Variants in ARHGAP17 observed in about 807,000 individuals in gnomAD.
The protein encoded by ARHGAP17 is Rho GTPase activating protein 17, also known as rho GTPase-activating protein 17.
ARHGAP17 carries 57 observed loss-of-function variants against 99.5 expected under a neutral mutation model. The observed-to-expected ratio is 0.57, with a 90% CI of 0.46 to 0.71. ARHGAP17 has a LOEUF of 0.71. Ranked by LOEUF, ARHGAP17 falls within the 30% of genes least tolerant of loss-of-function variation. ARHGAP17 has a pLI of 0.00. For synonymous variants in ARHGAP17, 417 were observed against 429.6 expected, an observed-to-expected ratio of 0.97 and a Z score of 0.36; for missense variants, 1,000 against 1,122.4, an observed-to-expected ratio of 0.89 and a Z score of 1.56.
chr16:24,938,552 C>A (rs1404099231), intron 17 of ARHGAP17, among the ~76,000 whole-genome samples: 2 of 151,948 alleles, frequency 1.3e-5, no homozygotes, highest in East Asian at 3.9e-4. Context: ...TCACTTGAGG[C>A]CAGGAGTTCG....
At position 24,955,856 on chromosome 16, in the gene ARHGAP17, T is replaced by C. The variant is rs984973157; in HGVS notation, c.725-1126A>G. On this transcript the variant is annotated intron_variant, in intron 9 of 19. Transcript: ENST00000289968. This position sits in a 1 kb window ranked among gnomAD's most constrained non-coding sequence, Gnocchi z 4.0. ...CCGAGAGCTTGTGGAAAGGTAAAAA[T>C]GGATGGAAAGAGCAAGAGGTAAAGA... is the stretch of plus-strand genomic sequence containing the variant. 1 of 151,070 alleles carries C rather than the reference T, an allele frequency of 6.6e-6. No individual in the cohort carries two copies. 9.4% of individuals were successfully genotyped at this position (151,070 alleles called of 1,614,324 possible).
At position 24,964,324 on chromosome 16, in the gene ARHGAP17, G is replaced by A. The variant is rs760291422; in HGVS notation, c.462-16C>T. The A allele has an allele frequency of 1.9e-6, 3 of 1,562,760 alleles. No homozygotes were observed. Among genetic ancestry groups the A allele is most frequent in the African/African-American group, 2.7e-5 (2 of 73,706 alleles). The stretch of plus-strand genomic sequence containing the variant: ...TTGGTTCCACCTGCAAAACAAAGGG[G>A]TCACCAGCATCTGAGAACCAGCTGT... On this transcript the variant is annotated splice_polypyrimidine_tract_variant and intron_variant, in intron 6 of 19. Transcript: ENST00000289968.
chr16:24,995,861 C>T (rs1400122541), intron 1 of ARHGAP17, among the ~76,000 whole-genome samples: 2 of 152,232 alleles, frequency 1.3e-5, no homozygotes, highest in East Asian at 1.9e-4. Flanking sequence ...AATAAAACTG[C>T]ACTCACTTTA....
intron 6 of ARHGAP17, among the ~76,000 whole-genome samples, chr16:24,966,872 C>G (rs914485415): frequency 2.6e-5 from 4 of 152,144 alleles, no homozygotes; most frequent in African/African-American, 9.7e-5. Flanking sequence ...ATATAGATAA[C>G]AAATGCAGGT....
At chr16:24,938,715 T>C (rs554075846) in intron 17 of ARHGAP17, among the ~76,000 whole-genome samples, 109 of 145,236 alleles carry the variant, frequency 7.5e-4, no homozygotes, top group African/African-American at 2.7e-3. Flanking sequence ...GAGGGTGCAG[T>C]GAGCTACGAT....
At chr16:24,931,445 G>C (rs761720777) in intron 18 of ARHGAP17, 41 bp from the exon 19 acceptor site, 2 of 1,489,032 alleles carry the variant, frequency 1.3e-6, no homozygotes. Flanking sequence ...TAGGAACAGT[G>C]AGGCAGCAAC....
At chr16:24,982,979 TA>T (rs2052724499) in intron 1 of ARHGAP17, among the ~76,000 whole-genome samples, 2 of 18,472 alleles carry the variant, frequency 1.1e-4, no homozygotes, top group African/African-American at 4.6e-4. Flanking sequence ...TATATATATA[TA>T]TATATATATA....
chr16:24,987,530 AG>A (rs1182179435), intron 1 of ARHGAP17, among the ~76,000 whole-genome samples: 5 of 152,092 alleles, frequency 3.3e-5, no homozygotes. Flanking sequence ...TGGCTTTTCA[AG>A]ACTTTTGCCA....
intron 1 of ARHGAP17, among the ~76,000 whole-genome samples, chr16:25,003,060 A>AG (rs1491412332): frequency 1.3e-5 from 2 of 149,718 alleles, no homozygotes; most frequent in African/African-American, 2.5e-5. Context: ...AAAAAAAAAA[A>AG]GAGGCTCTAA....
intron 1 of ARHGAP17, among the ~76,000 whole-genome samples, chr16:25,003,527 A>C (rs1234118215): frequency 6.6e-6 from 1 of 152,096 alleles, no homozygotes; most frequent in Non-Finnish European, 1.5e-5. Flanking sequence ...AAGCTTTTTA[A>C]AACTTGGAAG....
chr16:24,968,263 G>A (rs1355577461), intron 6 of ARHGAP17, 88 bp downstream of exon 6: 1 of 1,466,994 alleles, frequency 6.8e-7, no homozygotes, highest in Non-Finnish European at 9.5e-7. Context: ...ACGAATTGGT[G>A]AGCACTTCCA....
In ARHGAP17 at chr16:25,007,189, C is replaced by T. The variant is rs567595882; in HGVS notation, c.53+8020G>A. Among the ~76,000 whole-genome samples the T allele has an allele frequency of 3.3e-5, 5 of 152,216 alleles. No homozygotes were observed. In the South Asian group the frequency reaches 1.0e-3, roughly 32 times the overall value. On this transcript the variant is annotated intron_variant, in intron 1 of 19. Coordinates refer to ENST00000289968, the MANE Select transcript of ARHGAP17 (RefSeq NM_001006634.3). Reference sequence around the variant, plus strand: ...TTTCAAATTTACAGATGAAAATTTCCTAATGGCTAGAAAATAAGGCAATGC... The same window carrying T: ...TTTCAAATTTACAGATGAAAATTTCTTAATGGCTAGAAAATAAGGCAATGC...
At chr16:24,921,787 G>A (rs1229995330) in intron 19 of ARHGAP17, among the ~76,000 whole-genome samples, 1 of 152,196 alleles carries the variant, frequency 6.6e-6, no homozygotes, top group East Asian at 1.9e-4. Context: ...TGTCATTTCA[G>A]ACAATTCAGG....
rs182328382 is a variant in ARHGAP17, at chr16:24,991,345, G to C, written c.54-12340C>G. Among the ~76,000 whole-genome samples, 420 of 152,310 alleles carry C rather than the reference G, an allele frequency of 2.8e-3. 2 individuals carry two copies. Among genetic ancestry groups the C allele is most frequent in the African/African-American group, 9.7e-3 (402 of 41,568 alleles). ...AGTGAGGGTTCATGGAGTGTTAGCTGTTCTGAGAATTACAACAAATAATAA... is the reference window on the plus strand; with the variant it reads ...AGTGAGGGTTCATGGAGTGTTAGCTCTTCTGAGAATTACAACAAATAATAA... On this transcript the variant is annotated intron_variant, in intron 1 of 19. Coordinates refer to ENST00000289968, the MANE Select transcript of ARHGAP17 (RefSeq NM_001006634.3).
chr16:24,968,630 G>C (rs1446631566), intron 5 of ARHGAP17, 31 bp downstream of exon 5: 9 of 1,608,616 alleles, frequency 5.6e-6, no homozygotes, highest in East Asian at 2.2e-5. Context: ...ACCACTCTCG[G>C]CTCTTCCGTG....
chr16:24,923,390 G>A lies in ARHGAP17; in HGVS notation c.2516-3130C>T, dbSNP rs186894254. ...TCTAAATCTTTCTGGCTATGAACTC[G>A]TATATTAACTGCACTCCAAGAAGGG... On this transcript the variant is annotated intron_variant, in intron 19 of 19. Coordinates refer to ENST00000289968, the MANE Select transcript of ARHGAP17 (RefSeq NM_001006634.3). Among the ~76,000 whole-genome samples, 171 of 152,278 alleles carry A rather than the reference G, an allele frequency of 1.1e-3. 1 individual carries two copies. Among genetic ancestry groups the A allele is most frequent in the African/African-American group, 3.8e-3 (159 of 41,548 alleles).
intron 17 of ARHGAP17, among the ~76,000 whole-genome samples, chr16:24,938,044 C>G (rs2051189901): frequency 6.6e-6 from 1 of 152,106 alleles, no homozygotes; most frequent in Non-Finnish European, 1.5e-5. Context: ...GTGTGGAGAA[C>G]TGAATTAATG....
In ARHGAP17 at chr16:24,920,137, G is replaced by A. The variant is rs1278750681; in HGVS notation, c.2639C>T (p.Ala880Val). Residue 880 changes from alanine (A) to valine (V), a missense_variant, in exon 20 of 20, where the codon GCC becomes GTC. This residue lies in a region of ARHGAP17 where 528 missense variants were observed against 511.4 expected (regional missense o/e 1.03). Transcript: ENST00000289968. ...LDIDNDTEST[A>V]L is the part of the protein sequence containing the mutation. ...GCTGGGAAAGGGCTTTCTTCACAGGGCAGTGCTCTCGGTATCATTGTCTAT... is the reference window on the plus strand; with the variant it reads ...GCTGGGAAAGGGCTTTCTTCACAGGACAGTGCTCTCGGTATCATTGTCTAT... 1.2e-6 allele frequency: 2 copies of A among 1,613,832 alleles called. No homozygotes were observed. The highest frequency in any genetic ancestry group is 1.7e-5 in the Admixed American group (1 of 60,004).
chr16:24,941,931 C>T, intron 16 of ARHGAP17, 56 bp downstream of exon 16: 1 of 1,611,392 alleles, frequency 6.2e-7, no homozygotes, highest in East Asian at 2.2e-5. Context: ...ATACCAGATA[C>T]CACGGGTCTA....
Sources: gnomAD v4.1 joint callset for allele counts (sites outside exome capture counted in the v4.1 genomes callset) on GRCh38, gnomAD v4.1.1 for gene constraint, gnomAD v4.1.1 regional missense constraint, Gnocchi (gnomAD v3.1) non-coding constraint, MANE v1.5 for transcripts, NCBI Gene and HGNC (gene_info 2026-07-23, HGNC 2026-07-21) for gene names.